The following MYH15 variants were observed in gnomAD, a reference collection of about 807,000 sequenced individuals.
The protein encoded by MYH15 is myosin heavy chain 15, also known as myosin-15.
In MYH15, 227 loss-of-function variants were observed where a neutral mutation model predicts 240.5. That is an observed-to-expected ratio of 0.94 (90% CI 0.85 to 1.05). The LOEUF is 1.05. Among genes scored for constraint, MYH15 ranks in the 50% least tolerant of loss-of-function variants. The pLI, the probability that MYH15 is intolerant of heterozygous loss-of-function variation, is 0.00. For synonymous variants in MYH15, 785 were observed against 796.7 expected, an observed-to-expected ratio of 0.99 and a Z score of 0.25; for missense variants, 2,217 against 2,247.5, an observed-to-expected ratio of 0.99 and a Z score of 0.27.
the MYH15 span, among the ~76,000 whole-genome samples, chr3:108,547,168 ATTTT>A: frequency 2.0e-5 from 3 of 151,046 alleles, no homozygotes; most frequent in Non-Finnish European, 4.4e-5. Context: ...CACCTAACTA[ATTTT>A]TTTTTATTTT....
chr3:108,456,929 T>G, intron 18 of MYH15, 46 bp from the exon 19 acceptor site: 1 of 1,381,492 alleles, frequency 7.2e-7, no homozygotes, highest in South Asian at 1.2e-5. Context: ...TGAAAAAAAA[T>G]TATTGGGACA....
chr3:108,442,129 C>G (rs2082889697), intron 22 of MYH15, among the ~76,000 whole-genome samples: 1 of 152,204 alleles, frequency 6.6e-6, no homozygotes, highest in African/African-American at 2.4e-5. Flanking sequence ...TTTTCACCTT[C>G]CATCTCGAGA....
chr3:108,497,958 T>C, intron 6 of MYH15, 94 bp downstream of exon 6: 2 of 990,162 alleles, frequency 2.0e-6, no homozygotes. Context: ...GTGGTGCTTG[T>C]GGCCTCACTT....
At position 108,455,832 on chromosome 3, in the gene MYH15, A is replaced by G; in HGVS notation, c.2166T>C (p.Phe722=). The change falls in exon 20 of 41, where the codon TTT becomes TTC. Residue 722 remains phenylalanine, a synonymous_variant. Coordinates refer to ENST00000693548, the MANE Select transcript of MYH15 (RefSeq NM_014981.3). ...TGCTGCTCACAAACTTGCTCTTTGG[A>G]AAGGTCCTTGGATTCAGAATGCAGT... ...QRYCILNPRT[F]PKSKFVSSRK... 6.2e-7 allele frequency: 1 copy of G among 1,613,258 alleles called. No individual in the cohort carries two copies. The highest frequency in any genetic ancestry group is 8.5e-7 in the Non-Finnish European group (1 of 1,179,232).
intron 11 of MYH15, among the ~76,000 whole-genome samples, chr3:108,482,926 G>A (rs1198267799): frequency 6.6e-6 from 1 of 152,142 alleles, no homozygotes; most frequent in East Asian, 1.9e-4. Context: ...CAGGCATGGT[G>A]TTTCAGGCCT....
At chr3:108,533,137 T>C (rs199587717), upstream of MYH15, among the ~76,000 whole-genome samples, 5 of 132,826 alleles carry the variant, frequency 3.8e-5, no homozygotes, top group Middle Eastern at 3.9e-3. Flanking sequence ...TTTTTTTTTT[T>C]CATGAGTATT....
chr3:108,519,436 AT>A (rs2083599705), intron 1 of MYH15, among the ~76,000 whole-genome samples: 1 of 152,148 alleles, frequency 6.6e-6, no homozygotes, highest in African/African-American at 2.4e-5. Flanking sequence ...ATTGCTCCAT[AT>A]TTTACAGGTG....
Position 108,381,364 on chromosome 3 carries a change from C to A in MYH15, c.*181G>T. On this transcript the variant is annotated 3_prime_UTR_variant, in exon 41 of 41. Transcript: ENST00000693548. The stretch of plus-strand genomic sequence containing the variant: ...ACTTGCATTTGAGGATCAAAAAATC[C>A]CCATTAACTGTGGAAGCAATGATAT... 1.5e-6 allele frequency: 1 copy of A among 664,226 alleles called. No individual in the cohort carries two copies. Among genetic ancestry groups the A allele is most frequent in the Non-Finnish European group, 2.6e-6 (1 of 381,432 alleles). 41.1% of individuals were successfully genotyped at this position (664,226 alleles called of 1,614,324 possible).
chr3:108,405,450 C>T lies in MYH15; in HGVS notation c.4624G>A (p.Ala1542Thr). The T allele has an allele frequency of 6.7e-7, 1 of 1,491,566 alleles. No homozygotes were observed. The highest frequency in any genetic ancestry group is 9.1e-7 in the Non-Finnish European group (1 of 1,099,758). The allele number at this position is 1,491,566 out of a possible 1,614,324, so 92.4% of individuals were successfully genotyped here. The change falls in exon 33 of 41, where the codon GCC becomes ACC. Residue 1542 changes from alanine to threonine, a missense_variant. Coordinates refer to ENST00000693548, the MANE Select transcript of MYH15 (RefSeq NM_014981.3). ...ATCTTGCTTTCATTACGTTCCAGGGCTCCCTGGAATACATAAATAAAAAGC... is the reference window on the plus strand; with the variant it reads ...ATCTTGCTTTCATTACGTTCCAGGGTTCCCTGGAATACATAAATAAAAAGC... ...VQVTLEETEG[A>T]LERNESKILH...
At position 108,384,698 on chromosome 3, in the gene MYH15, C is replaced by T; in HGVS notation, c.5620G>A (p.Val1874Ile). The change falls in exon 39 of 41, where the codon GTC (valine) becomes ATC (isoleucine). Residue 1874 changes from valine (V) to isoleucine (I), a missense_variant. Physicochemically the swap from Val to Ile is conservative, Grantham distance 29. Transcript: ENST00000693548. ...CCCCAGGCACTCACCGCCACCTCGA[C>T]TTGCTGCTTGTAATTTTGCACTTTT... The part of the protein sequence containing the change: ...QLKVQNYKQQ[V>I]EVAETQANQY... 1 of 1,613,624 alleles carries T rather than the reference C, an allele frequency of 6.2e-7. No individual in the cohort carries two copies.
chr3:108,458,346 T>C (rs182319840), intron 18 of MYH15, among the ~76,000 whole-genome samples: 105 of 152,238 alleles, frequency 6.9e-4, no homozygotes, highest in Non-Finnish European at 7.4e-5. Flanking sequence ...ACCCAGCTGA[T>C]AGGAAACAAT....
chr3:108,383,566 G>C, intron 40 of MYH15, 29 bp downstream of exon 40: 1 of 1,608,460 alleles, frequency 6.2e-7, no homozygotes, highest in Admixed American at 1.7e-5. Flanking sequence ...TGATTAAAGA[G>C]TTAGAACAGA....
chr3:108,534,166 A>C (rs2083731237), upstream of MYH15, among the ~76,000 whole-genome samples: 1 of 152,212 alleles, frequency 6.6e-6, no homozygotes, highest in East Asian at 1.9e-4. Context: ...CTGCTCAGAA[A>C]CAGAATTCTA....
At chr3:108,400,278 C>T (rs1232046563) in intron 33 of MYH15, among the ~76,000 whole-genome samples, 1 of 152,130 alleles carries the variant, frequency 6.6e-6, no homozygotes, top group South Asian at 2.1e-4. Context: ...CAAAAATAAA[C>T]TTCTATTTGT....
intron 30 of MYH15, 48 bp downstream of exon 30, chr3:108,414,184 T>C (rs1297274318): frequency 6.4e-7 from 1 of 1,565,330 alleles, no homozygotes; most frequent in South Asian, 1.1e-5. Context: ...ATTCTCATAC[T>C]GCTCCATGTG....
At chr3:108,481,729 T>C (rs890861670) in intron 11 of MYH15, among the ~76,000 whole-genome samples, 4 of 152,164 alleles carry the variant, frequency 2.6e-5, no homozygotes, top group Admixed American at 6.5e-5. Context: ...ATTTCGCTAC[T>C]AACGGTAGGG....
upstream of MYH15, among the ~76,000 whole-genome samples, chr3:108,513,328 A>T (rs1302777394): frequency 6.6e-6 from 1 of 152,168 alleles, no homozygotes; most frequent in Non-Finnish European, 1.5e-5. Context: ...ACCATGATAA[A>T]CAAACTTGTA....
At chr3:108,527,636 C>T (rs1369267569) in intron 1 of MYH15, among the ~76,000 whole-genome samples, 1 of 152,162 alleles carries the variant, frequency 6.6e-6, no homozygotes, top group Non-Finnish European at 1.5e-5. Flanking sequence ...TCAGTATCTA[C>T]ACTAGTCAGA....
At chr3:108,474,267 G>GGA (rs143415198) in intron 12 of MYH15, among the ~76,000 whole-genome samples, 5 of 149,848 alleles carry the variant, frequency 3.3e-5, no homozygotes, top group Admixed American at 6.7e-5. Flanking sequence ...TATGTCTCCA[G>GGA]GAGAGAGAGA....
Sources: gnomAD v4.1 joint callset for allele counts (sites outside exome capture counted in the v4.1 genomes callset) on GRCh38, gnomAD v4.1.1 for gene constraint, MANE v1.5 for transcripts, NCBI Gene and HGNC (gene_info 2026-07-23, HGNC 2026-07-21) for gene names.